SEPTIN7: variants seen among roughly 807,000 people sequenced by gnomAD.
The protein encoded by SEPTIN7 is septin-7.
A neutral mutation model predicts 63.3 loss-of-function variants in SEPTIN7; 10 were observed. That is an observed-to-expected ratio of 0.16 (90% CI 0.10 to 0.27). SEPTIN7 has a LOEUF of 0.27. SEPTIN7 is among the 10% of genes least tolerant of loss of function. The pLI, the probability that SEPTIN7 is intolerant of heterozygous loss-of-function variation, is 1.00. For missense variants in SEPTIN7, 310 were observed against 521.0 expected, an observed-to-expected ratio of 0.59 and a Z score of 3.94; for synonymous variants, 131 against 165.3, an observed-to-expected ratio of 0.79 and a Z score of 1.59.
intron 3 of SEPTIN7, among the ~76,000 whole-genome samples, chr7:35,840,138 C>T: frequency 9.9e-6 from 1 of 101,050 alleles, no homozygotes; most frequent in Non-Finnish European, 2.0e-5. Flanking sequence ...TCCCCTTCCC[C>T]CTTCCTCCTT....
chr7:35,806,643 A>G (rs1371778925), intron 1 of SEPTIN7, among the ~76,000 whole-genome samples: 4 of 152,248 alleles, frequency 2.6e-5, no homozygotes, highest in South Asian at 4.1e-4. Flanking sequence ...ATCAAGATAG[A>G]GAATACTTCC....
chr7:35,801,363 G>A, intron 1 of SEPTIN7, 93 bp downstream of exon 1: 1 of 1,426,534 alleles, frequency 7.0e-7, no homozygotes. Context: ...GGAACGCCCT[G>A]AGGCGAGGCG....
intron 1 of SEPTIN7, among the ~76,000 whole-genome samples, chr7:35,826,762 T>C (rs1562751794): frequency 2.0e-5 from 3 of 152,138 alleles, no homozygotes; most frequent in African/African-American, 4.8e-5. Context: ...TCAAAATAAG[T>C]TGCTGCTTTT....
chr7:35,907,826 G>T (rs1213558440), downstream of SEPTIN7, among the ~76,000 whole-genome samples: 2 of 152,192 alleles, frequency 1.3e-5, no homozygotes, highest in Non-Finnish European at 2.9e-5. Flanking sequence ...TAACTTCTAT[G>T]AATGTTTTCT....
At chr7:35,819,454 A>G (rs1789277184) in intron 1 of SEPTIN7, among the ~76,000 whole-genome samples, 2 of 152,114 alleles carry the variant, frequency 1.3e-5, no homozygotes, top group Non-Finnish European at 2.9e-5. Flanking sequence ...GCTATGTGTT[A>G]GGTCTAGTTG....
At chr7:35,889,635 C>G (rs955992165) in intron 10 of SEPTIN7, among the ~76,000 whole-genome samples, 4 of 152,116 alleles carry the variant, frequency 2.6e-5, no homozygotes, top group African/African-American at 9.7e-5. Flanking sequence ...CCTCCACTTC[C>G]TGGGTTCAAG....
intron 13 of SEPTIN7, among the ~76,000 whole-genome samples, chr7:35,903,590 G>T (rs942579892): frequency 2.0e-5 from 3 of 152,060 alleles, no homozygotes; most frequent in African/African-American, 7.2e-5. Context: ...ATATTTAGGG[G>T]TATGTTTTAA....
At chr7:35,803,149 C>T in intron 1 of SEPTIN7, 1 of 966,388 alleles carries the variant, frequency 1.0e-6, no homozygotes, top group Non-Finnish European at 1.2e-6. Flanking sequence ...TGTAGCTTAA[C>T]AATTTTTGTT....
At chr7:35,817,318 G>C (rs187084830) in intron 1 of SEPTIN7, among the ~76,000 whole-genome samples, 1 of 152,064 alleles carries the variant, frequency 6.6e-6, no homozygotes, top group Admixed American at 6.5e-5. Flanking sequence ...TTTTTCCATT[G>C]TGTGGTCTTG....
Position 35,801,199 on chromosome 7 carries a change from G to A in SEPTIN7, c.-11G>A, listed in dbSNP as rs534060123. On this transcript the variant is annotated 5_prime_UTR_variant, in exon 1 of 14. Coordinates refer to ENST00000350320, the MANE Select transcript of SEPTIN7 (RefSeq NM_001788.6). Reference sequence around the variant, plus strand: ...CGCTCCGCTGGGGCTGGTCGCGGAGGGGGGGAGGGGATGTCGGTCAGTGCG... The same window carrying A: ...CGCTCCGCTGGGGCTGGTCGCGGAGAGGGGGAGGGGATGTCGGTCAGTGCG... 77 of 1,501,840 alleles carry A rather than the reference G, an allele frequency of 5.1e-5. No individual in the cohort carries two copies. Among genetic ancestry groups the A allele is most frequent in the Admixed American group, 1.1e-4 (5 of 44,510 alleles). 93.0% of individuals were successfully genotyped at this position (1,501,840 alleles called of 1,614,324 possible).
At position 35,904,320 on chromosome 7, in the gene SEPTIN7, A is replaced by G. The variant is rs1395856934; in HGVS notation, c.*27A>G. On this transcript the variant is annotated 3_prime_UTR_variant, in exon 14 of 14. Coordinates refer to ENST00000350320, the MANE Select transcript of SEPTIN7 (RefSeq NM_001788.6). Reference sequence around the variant, plus strand: ...CTCTCTATTGACCACCAGTTAACGTATTAGTTGCCAATATGCCAGCTTGGA... The same window carrying G: ...CTCTCTATTGACCACCAGTTAACGTGTTAGTTGCCAATATGCCAGCTTGGA... 1 of 1,532,906 alleles carries G rather than the reference A, an allele frequency of 6.5e-7. No individual in the cohort carries two copies. The highest frequency in any genetic ancestry group is 8.8e-7 in the Non-Finnish European group (1 of 1,137,438). 95.0% of individuals were successfully genotyped at this position (1,532,906 alleles called of 1,614,324 possible). A position where few individuals can be genotyped will look rare whatever the true frequency, so the allele number is the denominator to read the frequency against.
chr7:35,821,307 C>T (rs546432988), intron 1 of SEPTIN7, among the ~76,000 whole-genome samples: 1 of 152,278 alleles, frequency 6.6e-6, no homozygotes, highest in South Asian at 2.1e-4. Flanking sequence ...TTTCTCCTTG[C>T]TTTTAATGAA....
intron 4 of SEPTIN7, among the ~76,000 whole-genome samples, chr7:35,870,354 G>T (rs187898321): frequency 1.3e-5 from 2 of 152,200 alleles, no homozygotes; most frequent in East Asian, 1.9e-4. Context: ...TTGGTATACA[G>T]CATATTACTG....
At chr7:35,815,022 A>G (rs1465032319) in intron 1 of SEPTIN7, 1 of 204,276 alleles carries the variant, frequency 4.9e-6, no homozygotes, top group Admixed American at 5.9e-5. Context: ...GTTGTAAGGA[A>G]GAGCTCTTTT....
At chr7:35,842,286 A>G (rs1239339710) in intron 3 of SEPTIN7, among the ~76,000 whole-genome samples, 2 of 152,088 alleles carry the variant, frequency 1.3e-5, no homozygotes, top group South Asian at 2.1e-4. Flanking sequence ...CCTGTCTCCC[A>G]TGAAAGACCT....
intron 4 of SEPTIN7, among the ~76,000 whole-genome samples, chr7:35,868,321 C>G (rs1395540452): frequency 1.3e-5 from 2 of 152,116 alleles, no homozygotes; most frequent in African/African-American, 4.8e-5. Context: ...AGGAGAGTCT[C>G]CTGTTGACAG....
intron 3 of SEPTIN7, among the ~76,000 whole-genome samples, chr7:35,850,645 C>A (rs1203458298): frequency 6.6e-6 from 1 of 152,146 alleles, no homozygotes; most frequent in Non-Finnish European, 1.5e-5. Context: ...AATGTGACCT[C>A]CTTTCCAGGC....
intron 1 of SEPTIN7, among the ~76,000 whole-genome samples, chr7:35,824,184 C>G (rs1314759684): frequency 1.3e-5 from 2 of 151,432 alleles, no homozygotes; most frequent in Admixed American, 6.6e-5. Flanking sequence ...TCCATTGATA[C>G]AGCTTTGAGA....
chr7:35,907,421 A>G (rs1015221863), downstream of SEPTIN7, among the ~76,000 whole-genome samples: 9 of 152,184 alleles, frequency 5.9e-5, no homozygotes, highest in Non-Finnish European at 1.3e-4. Context: ...AATGATAACA[A>G]TTGGGTAAGT....
Sources: allele counts gnomAD v4.1 joint callset (sites outside exome capture counted in the v4.1 genomes callset), GRCh38; gene constraint gnomAD v4.1.1; transcripts MANE v1.5; gene names NCBI Gene and HGNC (gene_info 2026-07-23, HGNC 2026-07-21).